ICE1: variants seen among roughly 807,000 people sequenced by gnomAD.
ICE1 encodes little elongation complex subunit 1.
A neutral mutation model predicts 192.7 loss-of-function variants in ICE1; 64 were observed. That is an observed-to-expected ratio of 0.33 (90% CI 0.27 to 0.41). The LOEUF (loss-of-function observed/expected upper bound fraction) is 0.41. Among genes scored for constraint, ICE1 ranks in the 10% least tolerant of loss-of-function variants. The pLI is 1.00. For missense variants in ICE1, 2,708 were observed against 2,696.0 expected, an observed-to-expected ratio of 1.00 and a Z score of -0.10; for synonymous variants, 1,010 against 984.5, an observed-to-expected ratio of 1.03 and a Z score of -0.49.
chr5:5,437,267 C>T (rs2578550), intron 3 of ICE1, 153 bp downstream of exon 3: 196,112 of 560,442 alleles, frequency 0.35, 36,589 homozygotes, highest in African/African-American at 0.57. Flanking sequence ...AGTAAACAGA[C>T]AGTCCTTTTA....
intron 10 of ICE1, among the ~76,000 whole-genome samples, chr5:5,452,889 A>C (rs1279067761): frequency 2.0e-5 from 3 of 152,202 alleles, no homozygotes; most frequent in Non-Finnish European, 1.5e-5. Flanking sequence ...GCAGAATTTT[A>C]AAGGATCAGG....
chr5:5,425,506 A>C (rs1003218268), intron 1 of ICE1, among the ~76,000 whole-genome samples: 6 of 152,204 alleles, frequency 3.9e-5, no homozygotes, highest in Non-Finnish European at 8.8e-5. Flanking sequence ...AGGTCAGGAC[A>C]CTATTGCATT....
intron 18 of ICE1, among the ~76,000 whole-genome samples, chr5:5,488,284 T>C (rs957804785): frequency 6.6e-6 from 1 of 152,192 alleles, no homozygotes; most frequent in African/African-American, 2.4e-5. Context: ...GAGGTACACA[T>C]TGAGTATATT....
Position 5,468,832 on chromosome 5 carries a change from T to C in ICE1, c.6066T>C (p.Phe2022=). ...LFCYSLLKED[F]PESEKLTLFI... is the part of the protein sequence containing the mutation. ...GTATTATTTTATTTCTGATAGATTT[T>C]CCGGAGTCTGAAAAATTAACTTTGT... The change falls in exon 15 of 19, where the codon TTT becomes TTC. Residue 2022 remains phenylalanine (F), a synonymous_variant. Transcript: ENST00000296564. 6.4e-7 allele frequency: 1 copy of C among 1,567,612 alleles called. No homozygotes were observed. The highest frequency in any genetic ancestry group is 8.7e-7 in the Non-Finnish European group (1 of 1,154,730).
At chr5:5,479,475 A>G (rs1739434612) in intron 17 of ICE1, among the ~76,000 whole-genome samples, 1 of 152,216 alleles carries the variant, frequency 6.6e-6, no homozygotes, top group East Asian at 1.9e-4. Flanking sequence ...AGAAATAGGA[A>G]TGCTTCTACA....
At chr5:5,426,695 C>G (rs1579533229) in intron 1 of ICE1, among the ~76,000 whole-genome samples, 1 of 152,142 alleles carries the variant, frequency 6.6e-6, no homozygotes, top group East Asian at 1.9e-4. Context: ...GGAGTGCGTT[C>G]CAGAGGGAAT....
Position 5,462,641 on chromosome 5 carries a change from G to C in ICE1, c.3307G>C (p.Gly1103Arg), listed in dbSNP as rs202032453. ...ACATTGTTACACAGGCATTCGAGAGGGGGGAGACGACACTGAGGTAGAGAG... is the reference window on the plus strand; with the variant it reads ...ACATTGTTACACAGGCATTCGAGAGCGGGGAGACGACACTGAGGTAGAGAG... ...TLHCYTGIRE[G>R]GDDTEVESEA... Residue 1103 changes from glycine (G) to arginine (R), a missense_variant, in exon 13 of 19, where the codon GGG (glycine) becomes CGG (arginine). By Grantham distance (125) the Gly-to-Arg change is moderately radical. Transcript: ENST00000296564. 7.5e-5 allele frequency: 121 copies of C among 1,613,836 alleles called. No individual in the cohort carries two copies. Among genetic ancestry groups the C allele is most frequent in the African/African-American group, 5.2e-4 (39 of 74,912 alleles).
At chr5:5,486,133 T>C (rs1739633013) in intron 17 of ICE1, among the ~76,000 whole-genome samples, 1 of 152,260 alleles carries the variant, frequency 6.6e-6, no homozygotes, top group Admixed American at 6.5e-5. Context: ...TGCTTAGGGG[T>C]CCAGGTTTAG....
intron 1 of ICE1, among the ~76,000 whole-genome samples, chr5:5,435,818 C>T (rs1390476714): frequency 6.6e-6 from 1 of 151,832 alleles, no homozygotes; most frequent in African/African-American, 2.4e-5. Flanking sequence ...TACAGGTGCC[C>T]ACCAACACAC....
intron 1 of ICE1, among the ~76,000 whole-genome samples, chr5:5,429,725 T>A (rs1579535636): frequency 6.6e-6 from 1 of 152,220 alleles, no homozygotes; most frequent in East Asian, 1.9e-4. Flanking sequence ...GTATGCCTGC[T>A]AGCTTGCTCC....
intron 5 of ICE1, 122 bp downstream of exon 5, chr5:5,441,345 A>G: frequency 1.6e-6 from 1 of 630,980 alleles, no homozygotes; most frequent in East Asian, 2.8e-5. Flanking sequence ...CAAGACTCTC[A>G]GTGTATTATT....
At chr5:5,427,530 T>C (rs1311504744) in intron 1 of ICE1, among the ~76,000 whole-genome samples, 2 of 152,226 alleles carry the variant, frequency 1.3e-5, no homozygotes, top group Non-Finnish European at 2.9e-5. Flanking sequence ...GTTCATCTCA[T>C]GTATCTAGAT....
chr5:5,472,912 CA>C (rs1212291622), intron 15 of ICE1, among the ~76,000 whole-genome samples: 2 of 152,128 alleles, frequency 1.3e-5, no homozygotes, highest in Admixed American at 6.5e-5. Context: ...TAGGTATTTT[CA>C]AGAGAAGTGA....
intron 17 of ICE1, among the ~76,000 whole-genome samples, chr5:5,481,610 A>G (rs911655359): frequency 5.3e-5 from 8 of 152,222 alleles, no homozygotes; most frequent in East Asian, 3.8e-4. Flanking sequence ...GCAAAGCTCT[A>G]TAGGCATGCT....
intron 3 of ICE1, among the ~76,000 whole-genome samples, chr5:5,438,686 A>T (rs1387435779): frequency 6.6e-6 from 1 of 152,232 alleles, no homozygotes; most frequent in Non-Finnish European, 1.5e-5. Context: ...GTTAACTTAT[A>T]CATGTAACCT....
In ICE1 at chr5:5,457,719, C is replaced by T. The variant is rs1265476071; in HGVS notation, c.1079C>T (p.Ser360Phe). The change falls in exon 12 of 19, where the codon TCC (serine) becomes TTC (phenylalanine). Residue 360 changes from serine (S) to phenylalanine (F), a missense_variant. By Grantham distance (155) the Ser-to-Phe change is radical (BLOSUM62 -2). Around this residue, in one of 2 missense-constraint regions of ICE1, gnomAD observed 2,366 missense variants for 2,276.6 expected, o/e 1.04. Transcript: ENST00000296564. The stretch of plus-strand genomic sequence containing the variant: ...CCGATGTCATCACCTCACCCGGGTT[C>T]CTTACCGTCTTCATTTGCACCTGTG... ...PPPMSSPHPG[S>F]LPSSFAPETY... 3 of 1,611,986 alleles carry T rather than the reference C, an allele frequency of 1.9e-6. No individual in the cohort carries two copies. In the African/African-American group the frequency reaches 4.0e-5, roughly 22 times the overall value.
At chr5:5,442,509 T>C (rs935310410) in intron 5 of ICE1, among the ~76,000 whole-genome samples, 8 of 152,248 alleles carry the variant, frequency 5.3e-5, no homozygotes, top group African/African-American at 1.9e-4. Context: ...AGAAGAAGCA[T>C]GAACATTGGA....
At chr5:5,447,341 T>C (rs915960344) in intron 7 of ICE1, 86 bp from the exon 8 acceptor site, 17 of 808,618 alleles carry the variant, frequency 2.1e-5, no homozygotes, top group Non-Finnish European at 3.1e-5. Context: ...AAACTTGTAA[T>C]AGATAAGATT....
intron 6 of ICE1, among the ~76,000 whole-genome samples, chr5:5,443,767 A>G (rs1042820724): frequency 6.6e-6 from 1 of 152,212 alleles, no homozygotes; most frequent in African/African-American, 2.4e-5. Flanking sequence ...TTCACAACAA[A>G]TGTGAGCTAT....
Sources: gnomAD v4.1 joint callset for allele counts (sites outside exome capture counted in the v4.1 genomes callset) on GRCh38, gnomAD v4.1.1 for gene constraint, gnomAD v4.1.1 regional missense constraint, MANE v1.5 for transcripts, NCBI Gene and HGNC (gene_info 2026-07-23, HGNC 2026-07-21) for gene names.